Variants in POC1A observed in about 807,000 individuals in gnomAD.
POC1A encodes POC1 centriolar protein homolog A.
Under a neutral mutation model 47.8 loss-of-function variants are expected in POC1A, and 34 were observed. That is an observed-to-expected ratio of 0.71 (90% CI 0.54 to 0.95). The LOEUF is 0.95. POC1A is among the 40% of genes least tolerant of loss of function. The pLI, the probability that POC1A is intolerant of heterozygous loss-of-function variation, is 0.00. For missense variants in POC1A, 466 were observed against 528.3 expected, an observed-to-expected ratio of 0.88 and a Z score of 1.16; for synonymous variants, 177 against 207.6, an observed-to-expected ratio of 0.85 and a Z score of 1.27.
chr3:52,118,311 T>A (rs574650421), intron 9 of POC1A, among the ~76,000 whole-genome samples: 12 of 152,304 alleles, frequency 7.9e-5, no homozygotes, highest in African/African-American at 2.9e-4. Flanking sequence ...TCCCTCCTCA[T>A]GCACAACTCA....
At chr3:52,087,533 AT>A (rs1170378624) in intron 10 of POC1A, among the ~76,000 whole-genome samples, 1 of 152,104 alleles carries the variant, frequency 6.6e-6, no homozygotes, top group Non-Finnish European at 1.5e-5. Context: ...ACGGTTTTGC[AT>A]CCCCCAGCCC....
intron 10 of POC1A, among the ~76,000 whole-genome samples, chr3:52,091,495 C>T (rs1559813872): frequency 6.6e-6 from 1 of 152,212 alleles, no homozygotes; most frequent in Non-Finnish European, 1.5e-5. Context: ...AGGGTCTGAT[C>T]TAATGGGCCC....
chr3:52,124,354 C>T (rs542547057), intron 8 of POC1A, among the ~76,000 whole-genome samples: 1 of 152,316 alleles, frequency 6.6e-6, no homozygotes, highest in South Asian at 2.1e-4. Context: ...AAGCAGGGTG[C>T]CTGCCAGGAG....
At chr3:52,108,401 G>A (rs1399662160) in intron 9 of POC1A, among the ~76,000 whole-genome samples, 1 of 152,234 alleles carries the variant, frequency 6.6e-6, no homozygotes, top group South Asian at 2.1e-4. Context: ...ACAGCTCTCA[G>A]TGACAAAGAG....
chr3:52,121,717 G>A (rs919688697), intron 9 of POC1A, among the ~76,000 whole-genome samples: 3 of 152,130 alleles, frequency 2.0e-5, no homozygotes, highest in African/African-American at 7.2e-5. Context: ...GTGGCCATAG[G>A]AGCTTAAAAC....
intron 10 of POC1A, among the ~76,000 whole-genome samples, chr3:52,091,011 C>T (rs1049305574): frequency 1.3e-5 from 2 of 152,222 alleles, no homozygotes; most frequent in Non-Finnish European, 2.9e-5. Context: ...AGAGATGGGT[C>T]TGAGCAGCTG....
chr3:52,095,641 T>C (rs2106969829), intron 10 of POC1A, among the ~76,000 whole-genome samples: 1 of 152,174 alleles, frequency 6.6e-6, no homozygotes, highest in South Asian at 2.1e-4. Flanking sequence ...AGTCCCAGCC[T>C]GGCCTCAAGA....
At chr3:52,094,964 C>A (rs1265421156) in intron 10 of POC1A, among the ~76,000 whole-genome samples, 2 of 152,236 alleles carry the variant, frequency 1.3e-5, no homozygotes, top group African/African-American at 2.4e-5. Flanking sequence ...GAACACATAA[C>A]AAAACCTTCC....
At chr3:52,098,018 G>C (rs1395694260) in intron 9 of POC1A, among the ~76,000 whole-genome samples, 1 of 152,244 alleles carries the variant, frequency 6.6e-6, no homozygotes, top group Non-Finnish European at 1.5e-5. Flanking sequence ...TCTGTCAGGA[G>C]ACACAGCAGA....
intron 9 of POC1A, among the ~76,000 whole-genome samples, chr3:52,103,840 A>G (rs1332848283): frequency 6.6e-6 from 1 of 152,174 alleles, no homozygotes; most frequent in South Asian, 2.1e-4. Flanking sequence ...AAAACTGATC[A>G]TGCCAAGTGT....
intron 7 of POC1A, among the ~76,000 whole-genome samples, chr3:52,134,540 G>A (rs762954507): frequency 6.6e-6 from 1 of 152,172 alleles, no homozygotes; most frequent in East Asian, 1.9e-4. Context: ...GCTGAGGCAG[G>A]AGAATCGCTT....
Position 52,075,722 on chromosome 3 carries a change from C to A in POC1A, c.*165G>T. ...CTCTGGCTGCCAGGTGGAGAGCCTCCTGGTGCAGATAGCAAGGTGGAGGGC... is the reference window on the plus strand; with the variant it reads ...CTCTGGCTGCCAGGTGGAGAGCCTCATGGTGCAGATAGCAAGGTGGAGGGC... On this transcript the variant is annotated 3_prime_UTR_variant, in exon 11 of 11. Coordinates refer to ENST00000296484, the MANE Select transcript of POC1A (RefSeq NM_015426.5). 1.6e-6 allele frequency: 1 copy of A among 614,896 alleles called. No homozygotes were observed. Among genetic ancestry groups the A allele is most frequent in the East Asian group, 2.8e-5 (1 of 35,630 alleles). The allele number at this position is 614,896 out of a possible 1,614,324, so 38.1% of individuals were successfully genotyped here.
chr3:52,112,419 C>T (rs998190479), intron 9 of POC1A, among the ~76,000 whole-genome samples: 1 of 152,180 alleles, frequency 6.6e-6, no homozygotes, highest in Non-Finnish European at 1.5e-5. Context: ...GTGGGTGGAT[C>T]ACCTGAAGTC....
At chr3:52,095,263 A>G (rs1349747650) in intron 10 of POC1A, among the ~76,000 whole-genome samples, 3 of 152,156 alleles carry the variant, frequency 2.0e-5, no homozygotes, top group Non-Finnish European at 4.4e-5. Context: ...CAAGGTCTGT[A>G]CACTGGGCCC....
chr3:52,092,707 G>A (rs934116121), intron 10 of POC1A, among the ~76,000 whole-genome samples: 1 of 152,138 alleles, frequency 6.6e-6, no homozygotes. Context: ...CGGCTCACAA[G>A]GTCACCCCAA....
chr3:52,101,677 A>G (rs776647110), intron 9 of POC1A, among the ~76,000 whole-genome samples: 7 of 152,218 alleles, frequency 4.6e-5, no homozygotes, highest in African/African-American at 1.2e-4. Context: ...AGATAGATCA[A>G]TTCCTCAAAC....
intron 8 of POC1A, 133 bp from the exon 9 acceptor site, chr3:52,122,610 C>T (rs769290932): frequency 3.8e-5 from 25 of 652,240 alleles, no homozygotes; most frequent in Non-Finnish European, 6.6e-5. Flanking sequence ...CCTGACACCC[C>T]AACTCAATTC....
intron 10 of POC1A, among the ~76,000 whole-genome samples, chr3:52,080,073 T>C (rs1198853955): frequency 6.6e-6 from 1 of 152,200 alleles, no homozygotes; most frequent in Non-Finnish European, 1.5e-5. Context: ...GACGCTCGTG[T>C]GTGCCAAAAA....
chr3:52,113,683 CAGAG>C (rs1703459756), intron 9 of POC1A, among the ~76,000 whole-genome samples: 1 of 152,198 alleles, frequency 6.6e-6, no homozygotes, highest in Non-Finnish European at 1.5e-5. Flanking sequence ...GCCTGGGTGA[CAGAG>C]AGAGACTCCG....
Sources: allele counts gnomAD v4.1 joint callset (sites outside exome capture counted in the v4.1 genomes callset), GRCh38; gene constraint gnomAD v4.1.1; transcripts MANE v1.5; gene names NCBI Gene and HGNC (gene_info 2026-07-23, HGNC 2026-07-21).